TCF12: variants seen among roughly 807,000 people sequenced by gnomAD.
The protein encoded by TCF12 is DNA-binding protein HTF4.
TCF12 carries 45 observed loss-of-function variants against 86.0 expected under a neutral mutation model. The observed-to-expected ratio is 0.52, with a 90% CI of 0.41 to 0.67. TCF12 has a LOEUF of 0.67. Ranked by LOEUF, TCF12 falls within the 30% of genes least tolerant of loss-of-function variation. The pLI is 0.00. For missense variants in TCF12, 881 were observed against 859.9 expected (o/e 1.02, Z -0.31); for synonymous variants, 330 against 299.6 (o/e 1.10, Z -1.05).
At chr15:56,938,550 C>T (rs924157539) in intron 3 of TCF12, among the ~76,000 whole-genome samples, 1 of 151,462 alleles carries the variant, frequency 6.6e-6, no homozygotes, top group Non-Finnish European at 1.5e-5. Context: ...TTCCCTCTTT[C>T]TCTGTCTTAT....
intron 3 of TCF12, among the ~76,000 whole-genome samples, chr15:57,029,025 C>T (rs138228486): frequency 0.04 from 6,165 of 152,254 alleles, 373 homozygotes; most frequent in Admixed American, 0.17. Context: ...TCTTGAACTC[C>T]TGGCCTCAAG....
At chr15:56,945,366 C>T (rs1190768090) in intron 3 of TCF12, among the ~76,000 whole-genome samples, 3 of 151,972 alleles carry the variant, frequency 2.0e-5, no homozygotes, top group African/African-American at 7.2e-5. Context: ...TGTGTATATT[C>T]AGGTATTCAT....
intron 19 of TCF12, among the ~76,000 whole-genome samples, chr15:57,280,768 G>T (rs1227388582): frequency 1.3e-5 from 2 of 152,066 alleles, no homozygotes; most frequent in African/African-American, 4.8e-5. Context: ...TGGTATATCG[G>T]CTATGCCCTC....
chr15:57,145,083 A>G (rs1447045680), intron 5 of TCF12, among the ~76,000 whole-genome samples: 1 of 152,242 alleles, frequency 6.6e-6, no homozygotes, highest in African/African-American at 2.4e-5. Context: ...AGAAAATAAG[A>G]ACATCCCTTA....
At chr15:57,249,019 CAGA>C (rs2059989178) in intron 13 of TCF12, among the ~76,000 whole-genome samples, 1 of 152,088 alleles carries the variant, frequency 6.6e-6, no homozygotes, top group Non-Finnish European at 1.5e-5. Flanking sequence ...GGGGGGCTTA[CAGA>C]AGGAGTAGAA....
chr15:57,119,255 G>C (rs1169986439), intron 5 of TCF12, among the ~76,000 whole-genome samples: 1 of 151,840 alleles, frequency 6.6e-6, no homozygotes, highest in Non-Finnish European at 1.5e-5. Flanking sequence ...ACCATGACTG[G>C]CTAATGGTGG....
chr15:56,972,861 A>G (rs2062408553), intron 3 of TCF12, among the ~76,000 whole-genome samples: 8 of 152,180 alleles, frequency 5.3e-5, no homozygotes, highest in Admixed American at 5.2e-4. Context: ...GGAACAGACT[A>G]ACACAACTTT....
At chr15:57,290,834 CTT>C (rs2062063258), downstream of TCF12, 1 of 152,182 alleles carries the variant, frequency 6.6e-6, no homozygotes, top group African/African-American at 2.4e-5. Context: ...AACAGGTTGT[CTT>C]TGAAGGGAGA....
intron 3 of TCF12, among the ~76,000 whole-genome samples, chr15:57,025,751 G>A (rs781311473): frequency 6.1e-4 from 93 of 152,226 alleles, no homozygotes; most frequent in Admixed American, 6.5e-4. Context: ...AAGTTCTTAC[G>A]TAAGAAATGT....
At chr15:57,003,893 C>T (rs1014971758) in intron 3 of TCF12, among the ~76,000 whole-genome samples, 1 of 152,158 alleles carries the variant, frequency 6.6e-6, no homozygotes, top group Non-Finnish European at 1.5e-5. Flanking sequence ...TGGTTGGCTT[C>T]ATAAGCAAAC....
chr15:57,277,254 A>G (rs2061440041), intron 19 of TCF12, among the ~76,000 whole-genome samples: 2 of 151,860 alleles, frequency 1.3e-5, no homozygotes, highest in South Asian at 4.2e-4. Flanking sequence ...AATCCCAGGA[A>G]TTTGAGGCTG....
chr15:57,183,532 C>T (rs1241149812), intron 6 of TCF12, among the ~76,000 whole-genome samples: 1 of 152,122 alleles, frequency 6.6e-6, no homozygotes, highest in Non-Finnish European at 1.5e-5. Flanking sequence ...AATTGTAACC[C>T]AGTCAGCTTG....
chr15:57,211,980 CACACA>C (rs2058127284), intron 8 of TCF12, among the ~76,000 whole-genome samples: 2 of 738 alleles, frequency 2.7e-3, no homozygotes, highest in Non-Finnish European at 5.7e-3. Flanking sequence ...ACACACACAC[CACACA>C]CACACACACA....
At chr15:57,037,356 G>T (rs1236794413) in intron 3 of TCF12, among the ~76,000 whole-genome samples, 2 of 152,132 alleles carry the variant, frequency 1.3e-5, no homozygotes, top group East Asian at 3.9e-4. Context: ...CAGGAGAATC[G>T]CTTGAACCCA....
chr15:56,999,152 C>T (rs1324801279), intron 3 of TCF12, among the ~76,000 whole-genome samples: 2 of 150,280 alleles, frequency 1.3e-5, no homozygotes, highest in African/African-American at 2.4e-5. Context: ...GAGCTGAGAT[C>T]GCGCCACTGC....
At chr15:57,113,172 C>T (rs2050612215) in intron 5 of TCF12, among the ~76,000 whole-genome samples, 1 of 152,198 alleles carries the variant, frequency 6.6e-6, no homozygotes, top group Non-Finnish European at 1.5e-5. Flanking sequence ...CCCCGTGACT[C>T]CCTATTTCTA....
rs199802798 is a variant in TCF12, at chr15:57,147,215, C to G, written c.326-19187C>G. Reference sequence around the variant, plus strand: ...TCATTTCTGGATCACTTCTTCCATTCTCAGTACTAACAATGTAACTATATA... The same window carrying G: ...TCATTTCTGGATCACTTCTTCCATTGTCAGTACTAACAATGTAACTATATA... On this transcript the variant is annotated intron_variant, in intron 5 of 20. Transcript: ENST00000333725. 2.0e-5 allele frequency among the ~76,000 whole-genome samples: 3 copies of G among 152,296 alleles called. No homozygotes were observed. In the East Asian group the frequency reaches 5.8e-4, roughly 29 times the overall value.
intron 5 of TCF12, among the ~76,000 whole-genome samples, chr15:57,093,049 A>T (rs1403974579): frequency 6.6e-6 from 1 of 152,218 alleles, no homozygotes; most frequent in Non-Finnish European, 1.5e-5. Flanking sequence ...CAGAAGAACC[A>T]TTAGAGTATG....
intron 4 of TCF12, among the ~76,000 whole-genome samples, chr15:57,072,120 T>TGGTA (rs2069447777): frequency 6.6e-6 from 1 of 152,218 alleles, no homozygotes; most frequent in Admixed American, 6.5e-5. Context: ...TCTGAAAAGA[T>TGGTA]GGTACATGGA....
Sources: allele counts gnomAD v4.1 joint callset (sites outside exome capture counted in the v4.1 genomes callset), GRCh38; gene constraint gnomAD v4.1.1; transcripts MANE v1.5; gene names NCBI Gene and HGNC (gene_info 2026-07-23, HGNC 2026-07-21).